WDPCP: variants seen among roughly 807,000 people sequenced by gnomAD.
WDPCP encodes WD repeat containing planar cell polarity effector.
A neutral mutation model predicts 93.1 loss-of-function variants in WDPCP; 71 were observed. The observed-to-expected ratio is 0.76, with a 90% CI of 0.63 to 0.93. The LOEUF is 0.93. Among genes scored for constraint, WDPCP ranks in the 40% least tolerant of loss-of-function variants. The pLI is 0.00. For synonymous variants in WDPCP, 315 were observed against 315.0 expected, an observed-to-expected ratio of 1.00 and a Z score of 0.00; for missense variants, 844 against 887.4, an observed-to-expected ratio of 0.95 and a Z score of 0.62.
intron 17 of WDPCP, among the ~76,000 whole-genome samples, chr2:63,144,041 G>A (rs988746869): frequency 6.6e-6 from 1 of 152,142 alleles, no homozygotes; most frequent in African/African-American, 2.4e-5. Context: ...TGTTTTCCAA[G>A]CTTTTAGAAT....
At chr2:63,683,994 A>G (rs1197628222) in intron 2 of WDPCP, among the ~76,000 whole-genome samples, 1 of 152,224 alleles carries the variant, frequency 6.6e-6, no homozygotes, top group African/African-American at 2.4e-5. Context: ...AGAGTTAAAG[A>G]GAGAGATTAA....
At chr2:63,364,853 T>C (rs766526652) in intron 12 of WDPCP, among the ~76,000 whole-genome samples, 4 of 152,214 alleles carry the variant, frequency 2.6e-5, no homozygotes, top group Non-Finnish European at 5.9e-5. Flanking sequence ...TGCTGTTTAG[T>C]TTATAATGAG....
intron 2 of WDPCP, among the ~76,000 whole-genome samples, chr2:63,702,167 A>C (rs537361628): frequency 6.6e-6 from 1 of 151,758 alleles, no homozygotes; most frequent in Admixed American, 6.5e-5. Context: ...CTGGGATTAT[A>C]GACGCATGCC....
At chr2:63,809,462 A>G (rs2104079750) in intron 2 of WDPCP, among the ~76,000 whole-genome samples, 1 of 152,194 alleles carries the variant, frequency 6.6e-6, no homozygotes, top group Non-Finnish European at 1.5e-5. Flanking sequence ...GGTTTTGTGG[A>G]ATACAAAGGG....
intron 14 of WDPCP, among the ~76,000 whole-genome samples, chr2:63,254,228 T>C (rs1680959425): frequency 6.6e-6 from 1 of 152,116 alleles, no homozygotes; most frequent in African/African-American, 2.4e-5. Flanking sequence ...TGGGGACTAA[T>C]AGAAGGGCAA....
intron 14 of WDPCP, among the ~76,000 whole-genome samples, chr2:63,249,281 G>A (rs1394038273): frequency 6.6e-6 from 1 of 152,144 alleles, no homozygotes; most frequent in Non-Finnish European, 1.5e-5. Context: ...CTGGGCCTGT[G>A]TGTGGCTTTC....
At position 63,281,847 on chromosome 2, in the gene WDPCP, G is replaced by A. The variant is rs148346920; in HGVS notation, c.1813-22438C>T. On this transcript the variant is annotated intron_variant, in intron 13 of 17. Transcript: ENST00000272321. The stretch of plus-strand genomic sequence containing the variant: ...AGAAAATGGTGGGGGTGCGGTGAAT[G>A]ATAAAAGACTTCAAATTGGGTATAA... 9.5e-4 allele frequency among the ~76,000 whole-genome samples: 144 copies of A among 152,204 alleles called. 2 individuals carry two copies. Among genetic ancestry groups the A allele is most frequent in the African/African-American group, 3.2e-3 (131 of 41,528 alleles).
chr2:63,273,013 C>T (rs973553294), intron 13 of WDPCP, among the ~76,000 whole-genome samples: 6 of 151,974 alleles, frequency 3.9e-5, no homozygotes, highest in Non-Finnish European at 7.4e-5. Context: ...AGTGTCAAGT[C>T]ACATATAAGG....
intron 14 of WDPCP, among the ~76,000 whole-genome samples, chr2:63,257,552 C>T (rs1198904342): frequency 4.6e-5 from 7 of 152,114 alleles, no homozygotes; most frequent in Admixed American, 4.6e-4. Context: ...TTTGTCAAAA[C>T]ATAGTAATCT....
chr2:63,646,071 CT>C (rs1387706076), intron 3 of WDPCP, among the ~76,000 whole-genome samples: 1 of 152,020 alleles, frequency 6.6e-6, no homozygotes, highest in African/African-American at 2.4e-5. Flanking sequence ...GCGGTTTTCT[CT>C]TCCTTCTTTC....
chr2:63,225,683 G>C (rs1400328238), intron 14 of WDPCP, among the ~76,000 whole-genome samples: 1 of 151,712 alleles, frequency 6.6e-6, no homozygotes, highest in Non-Finnish European at 1.5e-5. Context: ...TAACAATATG[G>C]GTGCATTTCA....
chr2:63,506,026 G>A (rs762495408), intron 1 of WDPCP, among the ~76,000 whole-genome samples: 3 of 151,924 alleles, frequency 2.0e-5, no homozygotes, highest in South Asian at 2.1e-4. Context: ...AATCTCTATC[G>A]CAATAAAAAT....
chr2:63,271,354 G>A (rs963161733), intron 13 of WDPCP, among the ~76,000 whole-genome samples: 3 of 152,216 alleles, frequency 2.0e-5, no homozygotes, highest in Non-Finnish European at 2.9e-5. Flanking sequence ...TACTGCATGA[G>A]TGCACTGTCC....
intron 3 of WDPCP, among the ~76,000 whole-genome samples, chr2:63,647,999 C>A (rs1047636926): frequency 6.6e-6 from 1 of 152,204 alleles, no homozygotes; most frequent in Non-Finnish European, 1.5e-5. Flanking sequence ...CTTACTGATG[C>A]ATGAATTCCT....
At chr2:63,523,562 C>G (rs931475656) in intron 1 of WDPCP, among the ~76,000 whole-genome samples, 2 of 152,156 alleles carry the variant, frequency 1.3e-5, no homozygotes, top group African/African-American at 4.8e-5. Flanking sequence ...ACTCCATGGT[C>G]CCTGCCCAAA....
chr2:63,809,159 T>C (rs1321501549), intron 2 of WDPCP, among the ~76,000 whole-genome samples: 1 of 151,384 alleles, frequency 6.6e-6, no homozygotes, highest in Non-Finnish European at 1.5e-5. Context: ...CCACCCCGTC[T>C]GGGAAGTGAG....
intron 2 of WDPCP, among the ~76,000 whole-genome samples, chr2:63,718,669 C>T (rs1032448488): frequency 2.6e-5 from 4 of 151,986 alleles, no homozygotes; most frequent in Middle Eastern, 6.3e-3. Flanking sequence ...TGAATGCATT[C>T]TTTGCAAATA....
chr2:63,680,874 G>C (rs1384528075), intron 2 of WDPCP, among the ~76,000 whole-genome samples: 1 of 152,060 alleles, frequency 6.6e-6, no homozygotes, highest in Admixed American at 6.6e-5. Context: ...ATAGCACACT[G>C]GGCAGAGTTG....
At chr2:63,240,809 G>T (rs1679803115) in intron 14 of WDPCP, among the ~76,000 whole-genome samples, 1 of 152,136 alleles carries the variant, frequency 6.6e-6, no homozygotes, top group African/African-American at 2.4e-5. Flanking sequence ...AAACAGAAGG[G>T]CTAAAAGCAT....
Sources: gnomAD v4.1 joint callset for allele counts (sites outside exome capture counted in the v4.1 genomes callset) on GRCh38, gnomAD v4.1.1 for gene constraint, MANE v1.5 for transcripts, NCBI Gene and HGNC (gene_info 2026-07-23, HGNC 2026-07-21) for gene names.